CERS4: variants seen among roughly 807,000 people sequenced by gnomAD.
CERS4 encodes the protein ceramide synthase 4.
In CERS4, 65 loss-of-function variants were observed where a neutral mutation model predicts 51.8. The ratio of observed to expected loss-of-function variants is 1.26; its 90% CI spans 1.03 to 1.54. The LOEUF (loss-of-function observed/expected upper bound fraction) is 1.54. Ranked by LOEUF, CERS4 falls within the 40% of genes most tolerant of loss-of-function variation. CERS4 has a pLI of 0.00. For synonymous variants in CERS4, 228 were observed against 208.4 expected, an observed-to-expected ratio of 1.09 and a Z score of -0.81; for missense variants, 563 against 500.4, an observed-to-expected ratio of 1.13 and a Z score of -1.19.
intron 3 of CERS4, among the ~76,000 whole-genome samples, chr19:8,254,060 C>T (rs1044950512): frequency 2.6e-5 from 4 of 151,918 alleles, no homozygotes; most frequent in Non-Finnish European, 4.4e-5. Flanking sequence ...GGTGGCTCAC[C>T]GCTGGTAATC....
At chr19:8,234,593 C>A (rs1968158474) in intron 2 of CERS4, among the ~76,000 whole-genome samples, 1 of 141,768 alleles carries the variant, frequency 7.1e-6, no homozygotes, top group African/African-American at 2.7e-5. Context: ...TTGCTCTATC[C>A]CCCAGGCAGG....
Position 8,261,960 on chromosome 19 carries a change from G to A in CERS4, c.1036G>A (p.Glu346Lys). 6.2e-7 allele frequency: 1 copy of A among 1,605,698 alleles called. No individual in the cohort carries two copies. Among genetic ancestry groups the A allele is most frequent in the South Asian group, 1.1e-5 (1 of 90,156 alleles). ...GAAGGACATTCGTAGTGATGTAGAA[G>A]AATCAGACTCCAGTGAGGAGGCGGC... Reference protein sequence around the residue: ...MEKDIRSDVEESDSSEEAAAA... With the variant: ...MEKDIRSDVEKSDSSEEAAAA... Residue 346 changes from glutamate to lysine, a missense_variant, in exon 12 of 12, where the codon GAA becomes AAA. By Grantham distance (56) the Glu-to-Lys change is moderately conservative. Transcript: ENST00000251363.
intron 4 of CERS4, among the ~76,000 whole-genome samples, 164 bp from the exon 5 acceptor site, chr19:8,255,443 C>A (rs1295061181): frequency 6.6e-6 from 1 of 152,194 alleles, no homozygotes; most frequent in African/African-American, 2.4e-5. Context: ...TTCTGCAGGG[C>A]CCCACGCTGG....
At chr19:8,251,900 A>G (rs1170807085) in intron 3 of CERS4, among the ~76,000 whole-genome samples, 1 of 151,940 alleles carries the variant, frequency 6.6e-6, no homozygotes, top group African/African-American at 2.4e-5. Context: ...TCCAGTTTCA[A>G]ACGCAGGGGT....
At chr19:8,214,875 AGAG>A (rs748441248) in intron 2 of CERS4, among the ~76,000 whole-genome samples, 1 of 147,514 alleles carries the variant, frequency 6.8e-6, no homozygotes, top group Non-Finnish European at 1.5e-5. Flanking sequence ...GTATGGAAGC[AGAG>A]GAGATGAAGG....
intron 2 of CERS4, chr19:8,238,446 C>T (rs1478120963): frequency 2.2e-5 from 21 of 936,900 alleles, no homozygotes; most frequent in Non-Finnish European, 2.7e-5. Context: ...GGCACTGATG[C>T]AGAGGCCTGG....
At chr19:8,253,254 G>A (rs182840152) in intron 3 of CERS4, among the ~76,000 whole-genome samples, 12 of 152,310 alleles carry the variant, frequency 7.9e-5, no homozygotes, top group Non-Finnish European at 1.2e-4. Flanking sequence ...TGGGAGGAGG[G>A]GCTTGGAGCG....
At chr19:8,238,623 G>A in intron 2 of CERS4, 1 of 978,184 alleles carries the variant, frequency 1.0e-6, no homozygotes, top group Non-Finnish European at 1.2e-6. Flanking sequence ...AGTTGGGTGG[G>A]CACCTGCTGG....
intron 2 of CERS4, among the ~76,000 whole-genome samples, chr19:8,217,150 C>A (rs1967334207): frequency 6.6e-6 from 1 of 152,012 alleles, no homozygotes; most frequent in Non-Finnish European, 1.5e-5. Flanking sequence ...GGAGACGTTA[C>A]TTTATTTTGG....
In CERS4 at chr19:8,236,681, A is replaced by T. The variant is rs917196599; in HGVS notation, c.-1-14395A>T. Among the ~76,000 whole-genome samples, 8 of 99,046 alleles carry T rather than the reference A, an allele frequency of 8.1e-5. No homozygotes were observed. The East Asian group carries it at 1.4e-3, about 17-fold the overall frequency. 65.0% of individuals were successfully genotyped at this position (99,046 alleles called of 152,430 possible). On this transcript the variant is annotated intron_variant, in intron 2 of 11. Coordinates refer to ENST00000251363, the MANE Select transcript of CERS4 (RefSeq NM_024552.3). The stretch of plus-strand genomic sequence containing the variant: ...GCAACAGAACCAGGCCCTGTCTTCT[A>T]AAAAAAAAAAAAAAAAAAAAGAAAG...
chr19:8,232,511 C>T (rs868597377), intron 2 of CERS4, among the ~76,000 whole-genome samples: 17 of 151,944 alleles, frequency 1.1e-4, no homozygotes, highest in Middle Eastern at 3.4e-3. Context: ...AGGCTGATCT[C>T]GAACTCCCGA....
At chr19:8,256,391 C>T (rs1969383199) in intron 7 of CERS4, 105 bp downstream of exon 7, 1 of 1,263,504 alleles carries the variant, frequency 7.9e-7, no homozygotes, top group South Asian at 1.3e-5. Context: ...CTGTCATTCC[C>T]CACTGAGTCC....
intron 2 of CERS4, among the ~76,000 whole-genome samples, chr19:8,237,015 A>AG (rs1293742742): frequency 3.3e-5 from 5 of 150,958 alleles, no homozygotes; most frequent in Admixed American, 2.6e-4. Context: ...AAAAAAAAAA[A>AG]AAAAAAAAAA....
At chr19:8,218,029 A>G (rs7255415) in intron 2 of CERS4, among the ~76,000 whole-genome samples, 14,706 of 151,894 alleles carry the variant, frequency 0.097, 1,021 homozygotes, top group African/African-American at 0.2. Context: ...CAGTGGTGCA[A>G]TCTTGGCTCA....
intron 4 of CERS4, 126 bp downstream of exon 4, chr19:8,254,742 A>G (rs1969283146): frequency 2.6e-6 from 2 of 763,718 alleles, no homozygotes; most frequent in Non-Finnish European, 4.3e-6. Flanking sequence ...CAATGCCCCT[A>G]CTTTCCACTC....
Position 8,261,712 on chromosome 19 carries a change from G to C in CERS4, c.873G>C (p.Glu291Asp), listed in dbSNP as rs751521709. Residue 291 changes from glutamate (E) to aspartate (D), a missense_variant, in exon 11 of 12, where the codon GAG becomes GAC. By Grantham distance (45) the Glu-to-Asp change is conservative. Transcript: ENST00000251363. ...GGATCCTCTACACCACATACTACGA[G>C]TCCATCAGCAACAGGGGCCCCTTCT... The part of the protein sequence containing the change: ...PTQILYTTYY[E>D]SISNRGPFFG... 2 of 1,614,096 alleles carry C rather than the reference G, an allele frequency of 1.2e-6. No homozygotes were observed. The highest frequency in any genetic ancestry group is 3.3e-5 in the Admixed American group (2 of 60,000).
intron 2 of CERS4, among the ~76,000 whole-genome samples, chr19:8,223,618 T>TA (rs1182051418): frequency 6.6e-6 from 1 of 151,790 alleles, no homozygotes. Context: ...AAACTCTGTC[T>TA]AAAAAAACAA....
chr19:8,237,795 G>A (rs1213434306), intron 2 of CERS4, among the ~76,000 whole-genome samples: 1 of 152,136 alleles, frequency 6.6e-6, no homozygotes, highest in Non-Finnish European at 1.5e-5. Flanking sequence ...AGCTTGCAGT[G>A]AGCCGAGATT....
At position 8,219,406 on chromosome 19, in the gene CERS4, T is replaced by C. The variant is rs1396713622; in HGVS notation, c.-2+8544T>C. 5.3e-5 allele frequency among the ~76,000 whole-genome samples: 8 copies of C among 152,198 alleles called. No homozygotes were observed. The South Asian group carries it at 1.4e-3, about 28-fold the overall frequency. ...GAGGCCGGACACGGTGGCTTGCACC[T>C]GTCATCCCAACACTTTGAGAGGCTG... On this transcript the variant is annotated intron_variant, in intron 2 of 11. Coordinates refer to ENST00000251363, the MANE Select transcript of CERS4 (RefSeq NM_024552.3).
Sources: gnomAD v4.1 joint callset for allele counts (sites outside exome capture counted in the v4.1 genomes callset) on GRCh38, gnomAD v4.1.1 for gene constraint, MANE v1.5 for transcripts, NCBI Gene and HGNC (gene_info 2026-07-23, HGNC 2026-07-21) for gene names.